The following CTNNA2 variants were observed in gnomAD, a reference collection of about 807,000 sequenced individuals.
CTNNA2 encodes catenin alpha 2, also known as catenin alpha-2.
Under a neutral mutation model 101.0 loss-of-function variants are expected in CTNNA2, and 42 were observed. That is an observed-to-expected ratio of 0.42 (90% CI 0.32 to 0.54). CTNNA2 has a LOEUF of 0.54. Ranked by LOEUF, CTNNA2 falls within the 20% of genes least tolerant of loss-of-function variation. The pLI is 0.14. For missense variants in CTNNA2, 871 were observed against 1,223.1 expected (o/e 0.71, Z 4.29); for synonymous variants, 450 against 456.4 (o/e 0.99, Z 0.18).
intron 2 of CTNNA2, among the ~76,000 whole-genome samples, chr2:79,261,434 G>T (rs72915170): frequency 6.6e-6 from 1 of 152,216 alleles, no homozygotes; most frequent in Non-Finnish European, 1.5e-5. Flanking sequence ...AAGATGCAAA[G>T]TTGGTGTATT....
chr2:80,648,690 G>A lies in CTNNA2; in HGVS notation c.*818G>A, dbSNP rs1674379952. On this transcript the variant is annotated 3_prime_UTR_variant, in exon 19 of 19. Transcript: ENST00000402739. ...GGAAACTGACAACGTGTGAAAGTTA[G>A]AGGCAAATACATAGGTGTAGCTTGG... 1 of 152,116 alleles carries A rather than the reference G, an allele frequency of 6.6e-6. No individual in the cohort carries two copies. Among genetic ancestry groups the A allele is most frequent in the Non-Finnish European group, 1.5e-5 (1 of 68,008 alleles). 9.4% of individuals were successfully genotyped at this position (152,116 alleles called of 1,614,324 possible).
chr2:79,313,768 C>T (rs1456196296), intron 3 of CTNNA2, among the ~76,000 whole-genome samples: 2 of 152,128 alleles, frequency 1.3e-5, no homozygotes, highest in African/African-American at 4.8e-5. Context: ...CTGAGGCCTG[C>T]CCATAGAGCC....
intron 4 of CTNNA2, among the ~76,000 whole-genome samples, chr2:79,412,658 C>T (rs936453491): frequency 9.9e-5 from 15 of 151,874 alleles, no homozygotes; most frequent in South Asian, 2.1e-4. Context: ...GGGTACATAA[C>T]GAAATGAAGG....
chr2:79,805,047 T>C (rs535811119), intron 3 of CTNNA2, among the ~76,000 whole-genome samples: 43 of 152,218 alleles, frequency 2.8e-4, no homozygotes, highest in African/African-American at 9.9e-4. Context: ...AAGTGCATTA[T>C]TAATTGAACA....
chr2:80,016,903 C>A (rs531419220), intron 7 of CTNNA2, among the ~76,000 whole-genome samples: 1 of 152,234 alleles, frequency 6.6e-6, no homozygotes, highest in South Asian at 2.1e-4. Flanking sequence ...AATTTAGGAG[C>A]CTTTCTAGTG....
At chr2:79,725,509 T>G (rs961752532) in intron 2 of CTNNA2, among the ~76,000 whole-genome samples, 2 of 152,212 alleles carry the variant, frequency 1.3e-5, no homozygotes, top group Admixed American at 1.3e-4. Context: ...TTCACTTACA[T>G]CTTTCTAACA....
chr2:80,330,110 C>A (rs1671187545), intron 7 of CTNNA2, among the ~76,000 whole-genome samples: 3 of 152,250 alleles, frequency 2.0e-5, no homozygotes, highest in Non-Finnish European at 4.4e-5. Flanking sequence ...GGATTTTCCA[C>A]TCTAAGCTCT....
intron 1 of CTNNA2, among the ~76,000 whole-genome samples, chr2:79,650,667 G>T (rs1432516200): frequency 1.3e-5 from 2 of 150,214 alleles, no homozygotes. Flanking sequence ...TCAAGTTTTA[G>T]GGTACATGTG....
intron 3 of CTNNA2, among the ~76,000 whole-genome samples, chr2:79,770,115 G>GCTT (rs1558914530): frequency 6.6e-6 from 1 of 152,196 alleles, no homozygotes; most frequent in African/African-American, 2.4e-5. Context: ...GTTGGGGAGT[G>GCTT]CTTCTACCAT....
chr2:79,512,895 A>C (rs2103828343), upstream of CTNNA2: 1 of 144,396 alleles, frequency 6.9e-6, no homozygotes, highest in African/African-American at 2.5e-5. Flanking sequence ...GGGGCGCGCG[A>C]GCGAGCAAGC....
intron 3 of CTNNA2, among the ~76,000 whole-genome samples, chr2:79,330,676 G>C (rs537838112): frequency 2.0e-5 from 3 of 152,118 alleles, no homozygotes; most frequent in Non-Finnish European, 2.9e-5. Flanking sequence ...TGTGCTGTTC[G>C]CATGATAGTG....
chr2:80,584,444 T>G (rs1573362415), intron 14 of CTNNA2, among the ~76,000 whole-genome samples: 2 of 135,622 alleles, frequency 1.5e-5, no homozygotes, highest in African/African-American at 2.7e-5. Flanking sequence ...CGGGGGGCGG[T>G]TTAGGAGGGG....
chr2:80,569,193 T>A (rs1204124058), intron 12 of CTNNA2, among the ~76,000 whole-genome samples: 2 of 152,296 alleles, frequency 1.3e-5, no homozygotes, highest in Non-Finnish European at 1.5e-5. Context: ...ATTCCAGAAC[T>A]TTCTCACCTC....
chr2:80,363,291 T>C (rs1355952228), intron 7 of CTNNA2, among the ~76,000 whole-genome samples: 1 of 152,120 alleles, frequency 6.6e-6, no homozygotes, highest in Non-Finnish European at 1.5e-5. Flanking sequence ...CAGAGGTACT[T>C]CGATTTGACA....
intron 1 of CTNNA2, among the ~76,000 whole-genome samples, chr2:79,194,420 T>C (rs12614995): frequency 0.017 from 2,563 of 152,330 alleles, 96 homozygotes; most frequent in East Asian, 0.1. Flanking sequence ...TAGATTAATA[T>C]GGGTTTTGCT....
chr2:79,747,311 G>A (rs1008090706), intron 3 of CTNNA2, among the ~76,000 whole-genome samples: 9 of 152,134 alleles, frequency 5.9e-5, no homozygotes, highest in African/African-American at 2.2e-4. Context: ...TTGTTTTCAT[G>A]CATCTATAGC....
At chr2:79,405,079 C>T (rs1174878588) in intron 4 of CTNNA2, among the ~76,000 whole-genome samples, 2 of 151,896 alleles carry the variant, frequency 1.3e-5, no homozygotes, top group African/African-American at 4.8e-5. Context: ...AATTAAGATG[C>T]CTAATCACTT....
intron 3 of CTNNA2, among the ~76,000 whole-genome samples, chr2:79,746,895 C>T (rs189278089): frequency 3.7e-4 from 57 of 152,284 alleles, no homozygotes; most frequent in African/African-American, 1.3e-3. Flanking sequence ...CAGACCATGT[C>T]TCTTTTGCTA....
intron 7 of CTNNA2, among the ~76,000 whole-genome samples, chr2:80,067,938 C>T (rs1044987557): frequency 7.2e-5 from 11 of 152,278 alleles, no homozygotes; most frequent in African/African-American, 2.4e-4. Flanking sequence ...CAACTGTCAC[C>T]GACATCTTGA....
Sources: allele counts gnomAD v4.1 joint callset (sites outside exome capture counted in the v4.1 genomes callset), GRCh38; gene constraint gnomAD v4.1.1; transcripts MANE v1.5; gene names NCBI Gene and HGNC (gene_info 2026-07-23, HGNC 2026-07-21).